TSPAN9: variants seen among roughly 807,000 people sequenced by gnomAD.
The protein encoded by TSPAN9 is tetraspanin-9.
TSPAN9 carries 16 observed loss-of-function variants against 31.0 expected under a neutral mutation model. The observed-to-expected ratio is 0.52, with a 90% CI of 0.35 to 0.78. The LOEUF (loss-of-function observed/expected upper bound fraction) is 0.78, where lower values mean the gene tolerates loss of function less well. TSPAN9 is among the 30% of genes least tolerant of loss of function. The pLI is 0.01. For synonymous variants in TSPAN9, 145 were observed against 121.6 expected (o/e 1.19, Z -1.27); for missense variants, 272 against 312.5 (o/e 0.87, Z 0.98).
chr12:3,199,842 A>C (rs1331949611), intron 2 of TSPAN9: 1 of 152,334 alleles, frequency 6.6e-6, no homozygotes, highest in African/African-American at 2.4e-5. Context: ...CCCTAGCCAG[A>C]CCCACGTGTG....
At chr12:3,174,298 C>T (rs1035324862) in intron 2 of TSPAN9, among the ~76,000 whole-genome samples, 1 of 152,178 alleles carries the variant, frequency 6.6e-6, no homozygotes, top group African/African-American at 2.4e-5. Flanking sequence ...AACTCCTGGC[C>T]TCAAGCGATC....
intron 3 of TSPAN9, among the ~76,000 whole-genome samples, chr12:3,267,782 C>T (rs560354146): frequency 2.0e-5 from 3 of 152,296 alleles, no homozygotes; most frequent in African/African-American, 7.2e-5. Flanking sequence ...TGCCGTGTGC[C>T]GGGGCCTCAG....
intron 3 of TSPAN9, among the ~76,000 whole-genome samples, chr12:3,253,867 G>A (rs1862298682): frequency 6.6e-6 from 1 of 152,204 alleles, no homozygotes; most frequent in Admixed American, 6.5e-5. Context: ...CAGCACCTGT[G>A]GATGTTTGGA....
intron 3 of TSPAN9, among the ~76,000 whole-genome samples, chr12:3,228,411 C>A (rs2098388994): frequency 6.6e-6 from 1 of 152,188 alleles, no homozygotes; most frequent in African/African-American, 2.4e-5. Flanking sequence ...CTTTTCAGTC[C>A]CCATTTCACG....
At chr12:3,205,999 G>A (rs928707298) in intron 3 of TSPAN9, among the ~76,000 whole-genome samples, 2 of 152,182 alleles carry the variant, frequency 1.3e-5, no homozygotes, top group African/African-American at 4.8e-5. Flanking sequence ...GGAGGGGGTG[G>A]GGAGGAGGCG....
In TSPAN9 at chr12:3,147,286, G is replaced by A. The variant is rs1033212097; in HGVS notation, c.-17-53891G>A. On this transcript the variant is annotated intron_variant, in intron 2 of 8. Coordinates refer to ENST00000011898, the MANE Select transcript of TSPAN9 (RefSeq NM_006675.5). This position sits in a 1 kb window ranked among gnomAD's most constrained non-coding sequence, Gnocchi z 4.3. ...GTCCCTGCCCTGGGATGAGGAGCCC[G>A]CCAGGGGCTGGAGAGAATGACAGGC... Among the ~76,000 whole-genome samples the A allele has an allele frequency of 1.3e-5, 2 of 152,130 alleles. No individual in the cohort carries two copies. Among genetic ancestry groups the A allele is most frequent in the South Asian group, 2.1e-4 (1 of 4,820 alleles).
At chr12:3,279,946 A>G (rs1328007222) in intron 5 of TSPAN9, among the ~76,000 whole-genome samples, 1 of 150,946 alleles carries the variant, frequency 6.6e-6, no homozygotes, top group Non-Finnish European at 1.5e-5. Context: ...TGAAGGTCAC[A>G]TGACCTGTCT....
intron 3 of TSPAN9, among the ~76,000 whole-genome samples, chr12:3,223,391 CTG>C (rs746043998): frequency 2.6e-5 from 4 of 152,180 alleles, no homozygotes; most frequent in East Asian, 1.9e-4. Context: ...GGGCTGGGGA[CTG>C]TCATGTTGAA....
chr12:3,158,520 G>C (rs892958999), intron 2 of TSPAN9, among the ~76,000 whole-genome samples: 1 of 152,034 alleles, frequency 6.6e-6, no homozygotes, highest in Non-Finnish European at 1.5e-5. Context: ...TCAGGAGTTC[G>C]AGACCAGCCT....
chr12:3,081,551 A>T (rs1422963228), intron 1 of TSPAN9, among the ~76,000 whole-genome samples: 1 of 151,440 alleles, frequency 6.6e-6, no homozygotes, highest in African/African-American at 2.4e-5. Context: ...TCCCAAATGA[A>T]CCTCTTTTTC....
chr12:3,244,711 C>G (rs10848836), intron 3 of TSPAN9, among the ~76,000 whole-genome samples: 15,180 of 152,144 alleles, frequency 0.1, 1,380 homozygotes, highest in East Asian at 0.34. Flanking sequence ...TCTTTAGTCA[C>G]GGTGTGAGAC....
intron 2 of TSPAN9, among the ~76,000 whole-genome samples, chr12:3,140,017 C>G (rs1393304654): frequency 6.6e-6 from 1 of 152,226 alleles, no homozygotes; most frequent in Non-Finnish European, 1.5e-5. Flanking sequence ...TTGCTTTGCA[C>G]TATCGCCTTA....
chr12:3,143,210 C>CCATA lies in TSPAN9; in HGVS notation c.-17-57966_-17-57965insATAC, dbSNP rs1278188927. ...GAAGGTGATGTCTGCCAGGTATCTC[C>CCATA]CGTATATAAAGTGGCCCCTTTTTCT... On this transcript the variant is annotated intron_variant, in intron 2 of 8. Coordinates refer to ENST00000011898, the MANE Select transcript of TSPAN9 (RefSeq NM_006675.5). The surrounding 1 kb of genome is among the most constrained non-coding windows in gnomAD (Gnocchi z 4.2). Among the ~76,000 whole-genome samples, 1 of 149,270 alleles carries CCATA rather than the reference C, an allele frequency of 6.7e-6. No individual in the cohort carries two copies. Among genetic ancestry groups the CCATA allele is most frequent in the Non-Finnish European group, 1.5e-5 (1 of 67,734 alleles).
At chr12:3,153,235 G>A (rs1369247479) in intron 2 of TSPAN9, among the ~76,000 whole-genome samples, 1 of 152,138 alleles carries the variant, frequency 6.6e-6, no homozygotes, top group African/African-American at 2.4e-5. Flanking sequence ...TTATTTCAGG[G>A]TCAGGAGCTA....
intron 3 of TSPAN9, among the ~76,000 whole-genome samples, chr12:3,226,976 A>G (rs755808537): frequency 6.7e-6 from 1 of 149,464 alleles, no homozygotes; most frequent in Non-Finnish European, 1.5e-5. Flanking sequence ...GAGAGAGGCC[A>G]GGTTATCCTC....
rs566355746 is a variant in TSPAN9, at chr12:3,245,965, A to G, written c.64-32456A>G. Among the ~76,000 whole-genome samples, 15 of 151,990 alleles carry G rather than the reference A, an allele frequency of 9.9e-5. No individual in the cohort carries two copies. In the South Asian group the frequency reaches 1.5e-3, roughly 15 times the overall value. ...CAAAGATTCTTCAGTATCTCCCTCT[A>G]TATTGGGCTATTCTTGCATTGCTAT... On this transcript the variant is annotated intron_variant, in intron 3 of 8. Transcript: ENST00000011898.
chr12:3,112,601 A>C (rs1473423998), intron 2 of TSPAN9, among the ~76,000 whole-genome samples: 2 of 150,864 alleles, frequency 1.3e-5, no homozygotes, highest in African/African-American at 4.9e-5. Flanking sequence ...TTATTTAAAA[A>C]ATTTTTGTAA....
chr12:3,118,255 C>CGTTTT (rs2098323356), intron 2 of TSPAN9, among the ~76,000 whole-genome samples: 1 of 20,114 alleles, frequency 5.0e-5, no homozygotes, highest in Non-Finnish European at 1.6e-4. Context: ...CTGCACCCGC[C>CGTTTT]GTTTTTTTTT....
chr12:3,244,397 G>A (rs532422738), intron 3 of TSPAN9, among the ~76,000 whole-genome samples: 30 of 152,200 alleles, frequency 2.0e-4, no homozygotes, highest in East Asian at 5.8e-4. Flanking sequence ...ACCTACTCCC[G>A]CTCCACCCCA....
Sources: allele counts gnomAD v4.1 joint callset (sites outside exome capture counted in the v4.1 genomes callset), GRCh38; gene constraint gnomAD v4.1.1; non-coding constraint Gnocchi (gnomAD v3.1); transcripts MANE v1.5; gene names NCBI Gene and HGNC (gene_info 2026-07-23, HGNC 2026-07-21).